The following ANKRD44 variants were observed in gnomAD, a reference collection of about 807,000 sequenced individuals.
ANKRD44 encodes serine/threonine-protein phosphatase 6 regulatory ankyrin repeat subunit B.
A neutral mutation model predicts 116.0 loss-of-function variants in ANKRD44; 35 were observed. That is an observed-to-expected ratio of 0.30 (90% CI 0.23 to 0.40). The LOEUF (loss-of-function observed/expected upper bound fraction) is 0.40. ANKRD44 is among the 10% of genes least tolerant of loss of function. The pLI is 1.00. For missense variants in ANKRD44, 1,014 were observed against 1,242.6 expected (o/e 0.82, Z 2.77); for synonymous variants, 435 against 461.8 (o/e 0.94, Z 0.74).
intron 13 of ANKRD44, among the ~76,000 whole-genome samples, chr2:197,085,362 G>A (rs373549072): frequency 7.2e-4 from 110 of 152,322 alleles, no homozygotes; most frequent in African/African-American, 2.5e-3. Context: ...GGATGTCAGA[G>A]ACATGTGAAC....
Position 197,007,894 on chromosome 2 carries a change from C to T in ANKRD44, c.2042G>A (p.Gly681Glu), listed in dbSNP as rs1415646018. ...TAACAATGAAACAGCGTCAATATGT[C>T]CATATGCTACTGCAAGCATCAGTGG... ...QTPLMLAVAY[G>E]HIDAVSLLLE... The change falls in exon 20 of 28, where the codon GGA (glycine) becomes GAA (glutamate). Residue 681 changes from glycine to glutamate, a missense_variant. Physicochemically the swap from Gly to Glu is moderately conservative, Grantham distance 98. Transcript: ENST00000282272. The T allele has an allele frequency of 1.2e-6, 2 of 1,613,830 alleles. No individual in the cohort carries two copies. The highest frequency in any genetic ancestry group is 1.7e-6 in the Non-Finnish European group (2 of 1,179,798).
intron 16 of ANKRD44, among the ~76,000 whole-genome samples, chr2:197,053,098 G>A (rs1033361145): frequency 7.9e-5 from 12 of 152,126 alleles, no homozygotes; most frequent in Non-Finnish European, 1.8e-4. Flanking sequence ...TTGAACCCAG[G>A]AGGTGGAGGC....
At chr2:197,216,502 T>C (rs997935483) in intron 1 of ANKRD44, among the ~76,000 whole-genome samples, 4 of 152,216 alleles carry the variant, frequency 2.6e-5, no homozygotes, top group African/African-American at 9.6e-5. Flanking sequence ...CAGATGAAAC[T>C]GTTCATCGAG....
intron 1 of ANKRD44, among the ~76,000 whole-genome samples, chr2:197,269,533 A>G (rs1559203876): frequency 6.6e-6 from 1 of 152,196 alleles, no homozygotes; most frequent in Non-Finnish European, 1.5e-5. Flanking sequence ...AAAGGCTGCA[A>G]TTGAGAAAGG....
chr2:197,058,318 T>C (rs2077242505), intron 16 of ANKRD44, among the ~76,000 whole-genome samples: 2 of 152,000 alleles, frequency 1.3e-5, no homozygotes, highest in Admixed American at 6.6e-5. Context: ...TTCAAATCAA[T>C]ATTGCTTGAA....
intron 2 of ANKRD44, among the ~76,000 whole-genome samples, chr2:197,161,947 C>G (rs1354815511): frequency 6.6e-6 from 1 of 152,164 alleles, no homozygotes; most frequent in Non-Finnish European, 1.5e-5. Context: ...ACTTCCACTT[C>G]CTCTAGATAG....
At chr2:196,973,950 A>G (rs750250346) in intron 21 of ANKRD44, among the ~76,000 whole-genome samples, 7 of 152,206 alleles carry the variant, frequency 4.6e-5, no homozygotes, top group Non-Finnish European at 7.3e-5. Flanking sequence ...CATTGAAATA[A>G]GCCTTGATAA....
At chr2:197,278,440 T>A (rs1490864527) in intron 1 of ANKRD44, among the ~76,000 whole-genome samples, 1 of 151,822 alleles carries the variant, frequency 6.6e-6, no homozygotes, top group Non-Finnish European at 1.5e-5. Flanking sequence ...CACTGCAACC[T>A]CCACCTCCCG....
intron 17 of ANKRD44, chr2:197,015,731 C>A (rs765133598): frequency 1.9e-6 from 1 of 526,886 alleles, no homozygotes; most frequent in Non-Finnish European, 3.5e-6. Context: ...GGTCCTGGTT[C>A]TAGTGGTAGA....
At chr2:197,000,983 A>C (rs2076103787) in intron 22 of ANKRD44, among the ~76,000 whole-genome samples, 1 of 152,270 alleles carries the variant, frequency 6.6e-6, no homozygotes, top group East Asian at 1.9e-4. Context: ...GGTTGCAGTG[A>C]GCCGAGATTG....
intron 17 of ANKRD44, among the ~76,000 whole-genome samples, chr2:197,016,980 T>C (rs185855216): frequency 7.2e-5 from 11 of 151,836 alleles, no homozygotes; most frequent in African/African-American, 2.4e-4. Flanking sequence ...GAAAAAGAAA[T>C]AAAAAAGGTC....
chr2:197,074,264 G>C (rs1274976079), intron 16 of ANKRD44, among the ~76,000 whole-genome samples: 1 of 152,212 alleles, frequency 6.6e-6, no homozygotes, highest in Admixed American at 6.5e-5. Flanking sequence ...CCTGCTGGGA[G>C]GTCAGGCACA....
At chr2:197,108,873 A>AC (rs1227128715) in intron 9 of ANKRD44, among the ~76,000 whole-genome samples, 3 of 131,352 alleles carry the variant, frequency 2.3e-5, no homozygotes, top group African/African-American at 7.9e-5. Context: ...AACAACAACA[A>AC]AAACACAAAT....
At chr2:197,107,352 G>C (rs758347862) in intron 9 of ANKRD44, among the ~76,000 whole-genome samples, 11 of 152,298 alleles carry the variant, frequency 7.2e-5, no homozygotes, top group Admixed American at 2.0e-4. Flanking sequence ...CGGCATCTGA[G>C]GGGGGTGCCT....
chr2:197,222,697 T>G (rs539409133), intron 1 of ANKRD44, among the ~76,000 whole-genome samples: 2 of 152,354 alleles, frequency 1.3e-5, no homozygotes, highest in East Asian at 3.9e-4. Flanking sequence ...GATCACTTCA[T>G]GTTCCTCCAT....
intron 17 of ANKRD44, among the ~76,000 whole-genome samples, chr2:197,018,939 G>C (rs1184836773): frequency 1.3e-5 from 2 of 150,364 alleles, no homozygotes; most frequent in Non-Finnish European, 3.0e-5. Flanking sequence ...AGATCACTTA[G>C]TTAGTAAGTG....
At position 197,273,981 on chromosome 2, in the gene ANKRD44, ATATATATATATATAT is replaced by A. The variant is rs1487058389; in HGVS notation, c.27+36582_27+36596del. 3.8e-3 allele frequency among the ~76,000 whole-genome samples: 90 copies of A among 23,966 alleles called. 11 individuals are homozygous for A. Among genetic ancestry groups the A allele is most frequent in the African/African-American group, 0.015 (67 of 4,392 alleles). 15.7% of individuals were successfully genotyped at this position (23,966 alleles called of 152,430 possible). A position where few individuals can be genotyped will look rare whatever the true frequency, so the allele number is the denominator to read the frequency against. ...ACCACAAAAAAAAAAAAAAAAAAAA[ATATATATATATATAT>A]ATATATATATATATATATATATATA... On this transcript the variant is annotated intron_variant, in intron 1 of 27. Coordinates refer to ENST00000282272, the MANE Select transcript of ANKRD44 (RefSeq NM_001195144.2).
At chr2:197,189,709 C>T (rs10170983) in intron 1 of ANKRD44, among the ~76,000 whole-genome samples, 12,139 of 152,202 alleles carry the variant, frequency 0.08, 1,626 homozygotes, top group African/African-American at 0.27. Flanking sequence ...AACCAGAGAA[C>T]GATAAGTAGA....
At chr2:197,292,422 C>G (rs1559226071) in intron 1 of ANKRD44, among the ~76,000 whole-genome samples, 2 of 152,228 alleles carry the variant, frequency 1.3e-5, no homozygotes, top group East Asian at 3.9e-4. Flanking sequence ...TATCTGATGA[C>G]CAGTGATGAT....
Sources: allele counts gnomAD v4.1 joint callset (sites outside exome capture counted in the v4.1 genomes callset), GRCh38; gene constraint gnomAD v4.1.1; transcripts MANE v1.5; gene names NCBI Gene and HGNC (gene_info 2026-07-23, HGNC 2026-07-21).